UGCG: variants seen among roughly 807,000 people sequenced by gnomAD.
The protein encoded by UGCG is UDP-glucose ceramide glucosyltransferase.
A neutral mutation model predicts 49.5 loss-of-function variants in UGCG; 10 were observed. The ratio of observed to expected loss-of-function variants is 0.20; its 90% CI spans 0.12 to 0.34. The LOEUF (loss-of-function observed/expected upper bound fraction) is 0.34. Ranked by LOEUF, UGCG falls within the 10% of genes least tolerant of loss-of-function variation. UGCG has a pLI of 1.00. For synonymous variants in UGCG, 182 were observed against 158.2 expected, an observed-to-expected ratio of 1.15 and a Z score of -1.13; for missense variants, 312 against 483.7, an observed-to-expected ratio of 0.65 and a Z score of 3.33.
intron 1 of UGCG, among the ~76,000 whole-genome samples, chr9:111,908,010 T>G (rs1040567662): frequency 6.6e-6 from 1 of 152,142 alleles, no homozygotes; most frequent in African/African-American, 2.4e-5. Context: ...CTCCTGTATT[T>G]TTTTCTGATT....
intron 1 of UGCG, among the ~76,000 whole-genome samples, chr9:111,900,024 C>A (rs1488515394): frequency 6.6e-5 from 10 of 152,102 alleles, no homozygotes; most frequent in Admixed American, 5.9e-4. Context: ...AGATTAGAGA[C>A]ATTTCAAATT....
chr9:111,914,890 AG>A (rs1838085481), intron 2 of UGCG, 144 bp downstream of exon 2: 1 of 1,198,418 alleles, frequency 8.3e-7, no homozygotes, highest in African/African-American at 1.5e-5. Flanking sequence ...AACCTTTAGT[AG>A]TAGTCATCAC....
At chr9:111,932,042 CA>C (rs1043661349) in intron 7 of UGCG, 127 bp from the exon 8 acceptor site, 16 of 967,010 alleles carry the variant, frequency 1.7e-5, no homozygotes, top group South Asian at 3.7e-5. Flanking sequence ...AAAAACAAAA[CA>C]AAAAAAGTTT....
At chr9:111,928,699 C>T (rs78918506) in intron 5 of UGCG, among the ~76,000 whole-genome samples, 2 of 152,176 alleles carry the variant, frequency 1.3e-5, no homozygotes, top group Admixed American at 1.3e-4. Flanking sequence ...TTCTCTTGCT[C>T]TGCACTGTGT....
chr9:111,899,993 A>C (rs1837737676), intron 1 of UGCG, among the ~76,000 whole-genome samples: 1 of 152,242 alleles, frequency 6.6e-6, no homozygotes, highest in African/African-American at 2.4e-5. Context: ...ATTTCTGCCA[A>C]CAATGTCAAA....
At chr9:111,929,958 A>G (rs1349953941) in intron 6 of UGCG, among the ~76,000 whole-genome samples, 3 of 152,082 alleles carry the variant, frequency 2.0e-5, no homozygotes, top group Non-Finnish European at 4.4e-5. Flanking sequence ...ACCTGGGACT[A>G]CAGGCATGTA....
At chr9:111,927,304 T>G (rs747077660) in intron 5 of UGCG, among the ~76,000 whole-genome samples, 2 of 152,196 alleles carry the variant, frequency 1.3e-5, no homozygotes, top group Admixed American at 6.5e-5. Flanking sequence ...GAGAAACTTA[T>G]GTTTTCATTT....
intron 1 of UGCG, among the ~76,000 whole-genome samples, chr9:111,912,052 A>ATATC (rs1160352827): frequency 7.0e-6 from 1 of 142,852 alleles, no homozygotes; most frequent in South Asian, 2.2e-4. Flanking sequence ...ATATATATAT[A>ATATC]TCCTGTTGAA....
Position 111,934,637 on chromosome 9 carries a change from G to A in UGCG, c.*1640G>A, listed in dbSNP as rs1554738294. The A allele has an allele frequency of 6.6e-6, 1 of 151,676 alleles. No individual in the cohort carries two copies. Among genetic ancestry groups the A allele is most frequent in the Non-Finnish European group, 1.5e-5 (1 of 67,954 alleles). 9.4% of individuals were successfully genotyped at this position (151,676 alleles called of 1,614,324 possible). On this transcript the variant is annotated 3_prime_UTR_variant, in exon 9 of 9. Coordinates refer to ENST00000374279, the MANE Select transcript of UGCG (RefSeq NM_003358.3). ...TAATTGTCAAATGTCTATATCCATG[G>A]TTTAAATGGCAACATATCTATAAGT...
At chr9:111,929,405 C>A in intron 5 of UGCG, 95 bp from the exon 6 acceptor site, 1 of 1,284,656 alleles carries the variant, frequency 7.8e-7, no homozygotes. Flanking sequence ...TTCACTCAAT[C>A]ATACTTATAA....
chr9:111,918,714 A>C (rs1838155110), intron 2 of UGCG, among the ~76,000 whole-genome samples: 2 of 152,128 alleles, frequency 1.3e-5, no homozygotes, highest in African/African-American at 2.4e-5. Context: ...CGGGCGGATC[A>C]CGAGGTCAGG....
rs1206178887 is a variant in UGCG at position 111,933,288 on chromosome 9, A to AAT, written c.*301_*302dup. 1.9e-5 allele frequency: 3 copies of AAT among 156,678 alleles called. No individual in the cohort carries two copies. The highest frequency in any genetic ancestry group is 2.1e-4 in the South Asian group (1 of 4,878). 9.7% of individuals were successfully genotyped at this position (156,678 alleles called of 1,614,324 possible). A position where few individuals can be genotyped will look rare whatever the true frequency, so the allele number is the denominator to read the frequency against. On this transcript the variant is annotated 3_prime_UTR_variant, in exon 9 of 9. Coordinates refer to ENST00000374279, the MANE Select transcript of UGCG (RefSeq NM_003358.3). Reference sequence around the variant, plus strand: ...TTTATTTTTTTAAAATAAATAAATAAATATATATATAGATGCTCTGCAACA... The same window carrying AAT: ...TTTATTTTTTTAAAATAAATAAATAAATATATATATATAGATGCTCTGCAACA...
At chr9:111,923,246 A>G (rs1378188251) in intron 3 of UGCG, among the ~76,000 whole-genome samples, 1 of 151,942 alleles carries the variant, frequency 6.6e-6, no homozygotes, top group African/African-American at 2.4e-5. Context: ...TCTGTATCTT[A>G]CTGACTATAA....
Position 111,900,021 on chromosome 9 carries a change from A to G in UGCG, c.98+2708A>G, listed in dbSNP as rs111787102. 4.6e-3 allele frequency among the ~76,000 whole-genome samples: 700 copies of G among 152,334 alleles called. 4 individuals are homozygous for G. Among genetic ancestry groups the G allele is most frequent in the Non-Finnish European group, 8.2e-3 (557 of 68,042 alleles). On this transcript the variant is annotated intron_variant, in intron 1 of 8. Coordinates refer to ENST00000374279, the MANE Select transcript of UGCG (RefSeq NM_003358.3). The stretch of plus-strand genomic sequence containing the variant: ...ATGTCAAAGGTAACATTCAGATTAG[A>G]GACATTTCAAATTCAAGAGTCTTAT...
chr9:111,916,390 T>C (rs1241916048), intron 2 of UGCG, among the ~76,000 whole-genome samples: 1 of 152,194 alleles, frequency 6.6e-6, no homozygotes, highest in Non-Finnish European at 1.5e-5. Context: ...TACGTTGTAG[T>C]GCTTGTGAGA....
intron 1 of UGCG, among the ~76,000 whole-genome samples, chr9:111,907,161 C>T (rs530271443): frequency 2.6e-5 from 4 of 152,260 alleles, no homozygotes; most frequent in East Asian, 3.9e-4. Context: ...CTGGAAAGAC[C>T]GCCTCCTAGG....
At chr9:111,905,275 A>T (rs1265876455) in intron 1 of UGCG, among the ~76,000 whole-genome samples, 3 of 152,180 alleles carry the variant, frequency 2.0e-5, no homozygotes, top group Admixed American at 2.0e-4. Context: ...GCAAGTACAT[A>T]TGTAATCTAC....
chr9:111,898,251 G>C (rs1401067706), intron 1 of UGCG, among the ~76,000 whole-genome samples: 1 of 151,996 alleles, frequency 6.6e-6, no homozygotes, highest in African/African-American at 2.4e-5. Context: ...ATTATATAGA[G>C]CACATTACTG....
Position 111,932,854 on chromosome 9 carries a change from G to C in UGCG, c.1042G>C (p.Asp348His). ...QGGTLCFSKLDYAVAWFIRES... is the reference protein window; with the variant it reads ...QGGTLCFSKLHYAVAWFIRES... Reference sequence around the variant, plus strand: ...TGGCACACTGTGTTTTTCAAAACTTGATTATGCAGTCGCCTGGTTCATCCG... The same window carrying C: ...TGGCACACTGTGTTTTTCAAAACTTCATTATGCAGTCGCCTGGTTCATCCG... Residue 348 changes from aspartate (D) to histidine (H), a missense_variant, in exon 9 of 9, where the codon GAT becomes CAT. This residue lies in a region of UGCG where 180 missense variants were observed against 320.4 expected (regional missense o/e 0.56). Coordinates refer to ENST00000374279, the MANE Select transcript of UGCG (RefSeq NM_003358.3). The C allele has an allele frequency of 6.2e-7, 1 of 1,603,210 alleles. No homozygotes were observed. The highest frequency in any genetic ancestry group is 8.5e-7 in the Non-Finnish European group (1 of 1,174,730).
Sources: allele counts gnomAD v4.1 joint callset (sites outside exome capture counted in the v4.1 genomes callset), GRCh38; gene constraint gnomAD v4.1.1; regional missense constraint gnomAD v4.1.1; transcripts MANE v1.5; gene names NCBI Gene and HGNC (gene_info 2026-07-23, HGNC 2026-07-21).